RSPH3: variants seen among roughly 807,000 people sequenced by gnomAD.
The protein encoded by RSPH3 is radial spoke head protein 3 homolog.
In RSPH3, 21 loss-of-function variants were observed where a neutral mutation model predicts 43.8. That is an observed-to-expected ratio of 0.48 (90% CI 0.34 to 0.69). The LOEUF is 0.69. Ranked by LOEUF, RSPH3 falls within the 30% of genes least tolerant of loss-of-function variation. The pLI is 0.01. For missense variants in RSPH3, 487 were observed against 516.0 expected, an observed-to-expected ratio of 0.94 and a Z score of 0.54; for synonymous variants, 173 against 179.8, an observed-to-expected ratio of 0.96 and a Z score of 0.30.
chr6:158,983,905 G>A (rs1778122273), intron 3 of RSPH3, 98 bp from the exon 4 acceptor site: 2 of 810,622 alleles, frequency 2.5e-6, no homozygotes, highest in Non-Finnish European at 4.1e-6. Flanking sequence ...AGGCCGAGGA[G>A]GGTGCATTAC....
At chr6:158,979,391 C>T (rs1369759203) in intron 6 of RSPH3, among the ~76,000 whole-genome samples, 1 of 152,114 alleles carries the variant, frequency 6.6e-6, no homozygotes, top group Non-Finnish European at 1.5e-5. Flanking sequence ...GGCTACTGGT[C>T]TCTCTGGCTA....
intron 2 of RSPH3, among the ~76,000 whole-genome samples, chr6:158,991,143 A>G (rs1317473035): frequency 1.3e-5 from 2 of 152,076 alleles, no homozygotes; most frequent in Non-Finnish European, 2.9e-5. Context: ...CTTTTCATTG[A>G]AACATTTTTG....
Position 158,999,435 on chromosome 6 carries a change from G to A in RSPH3, c.116C>T (p.Pro39Leu), listed in dbSNP as rs1013107289. 9 of 1,502,076 alleles carry A rather than the reference G, an allele frequency of 6.0e-6. No homozygotes were observed. In the African/African-American group the frequency reaches 9.8e-5, roughly 16 times the overall value. The allele number at this position is 1,502,076 out of a possible 1,614,324, so 93.0% of individuals were successfully genotyped here. ...RSRYRDSLTQ[P>L]DEEPMHYGNI... Reference sequence around the variant, plus strand: ...CACAGGGGCTGGCTTGGTCACTCACGGCTGCGTCAGGCTGTCCCGGTAACG... The same window carrying A: ...CACAGGGGCTGGCTTGGTCACTCACAGCTGCGTCAGGCTGTCCCGGTAACG... The change falls in exon 1 of 8, where the codon CCA (proline) becomes CTA (leucine). Residue 39 changes from proline (P) to leucine (L), a missense_variant and splice_region_variant. Pro to Leu is a moderately conservative substitution (Grantham distance 98, BLOSUM62 -3). Transcript: ENST00000367069.
At chr6:158,999,296 G>C in intron 1 of RSPH3, 139 bp downstream of exon 1, 1 of 750,974 alleles carries the variant, frequency 1.3e-6, no homozygotes, top group Non-Finnish European at 2.0e-6. Context: ...AGATTCCTTA[G>C]GGCAGAACTT....
intron 3 of RSPH3, among the ~76,000 whole-genome samples, chr6:158,985,416 A>G (rs1466067259): frequency 6.6e-6 from 1 of 152,212 alleles, no homozygotes; most frequent in Non-Finnish European, 1.5e-5. Context: ...TGAGAACAGA[A>G]TATGTGAAAA....
chr6:158,969,266 G>A (rs1777666922), downstream of RSPH3, among the ~76,000 whole-genome samples: 1 of 152,108 alleles, frequency 6.6e-6, no homozygotes, highest in South Asian at 2.1e-4. Flanking sequence ...CATTTTAAAG[G>A]ATAGTTTTGC....
chr6:158,995,709 C>T (rs1778568218), intron 1 of RSPH3, among the ~76,000 whole-genome samples: 1 of 152,158 alleles, frequency 6.6e-6, no homozygotes, highest in Admixed American at 6.5e-5. Flanking sequence ...ATTCTCCTGC[C>T]TCAGCCTCCC....
intron 6 of RSPH3, among the ~76,000 whole-genome samples, chr6:158,979,060 T>C (rs892322731): frequency 6.6e-6 from 1 of 152,150 alleles, no homozygotes; most frequent in Non-Finnish European, 1.5e-5. Context: ...ACTCAGAGAA[T>C]GCAGTGAGAG....
chr6:158,981,495 CA>C (rs1169006727), intron 5 of RSPH3, among the ~76,000 whole-genome samples: 1 of 152,156 alleles, frequency 6.6e-6, no homozygotes, highest in Non-Finnish European at 1.5e-5. Context: ...AAACTTTAAA[CA>C]AATATAAATC....
intron 4 of RSPH3, 36 bp downstream of exon 4, chr6:158,983,626 A>C: frequency 1.9e-6 from 3 of 1,545,274 alleles, no homozygotes; most frequent in Non-Finnish European, 2.7e-6. Context: ...CTCATTTATA[A>C]AGATTATAGA....
chr6:158,985,003 C>T (rs997876940), intron 3 of RSPH3, among the ~76,000 whole-genome samples: 11 of 152,170 alleles, frequency 7.2e-5, no homozygotes, highest in African/African-American at 2.4e-4. Flanking sequence ...GAAATAATCC[C>T]GATGGATCCA....
chr6:158,999,856 G>C lies in RSPH3; in HGVS notation c.-306C>G, dbSNP rs1396012551. On this transcript the variant is annotated 5_prime_UTR_variant, in exon 1 of 8. Coordinates refer to ENST00000367069, the MANE Select transcript of RSPH3 (RefSeq NM_031924.8). ...TTCCGGTCCCCAGGTTTCCCGGGAA[G>C]GACTGCGGCACAAGGGACTTCCGGC... is the stretch of plus-strand genomic sequence containing the variant. The C allele has an allele frequency of 1.2e-6, 2 of 1,613,796 alleles. No individual in the cohort carries two copies. Among genetic ancestry groups the C allele is most frequent in the Admixed American group, 1.7e-5 (1 of 60,006 alleles).
intron 1 of RSPH3, among the ~76,000 whole-genome samples, chr6:158,998,352 C>A (rs1255087719): frequency 1.4e-5 from 2 of 147,808 alleles, no homozygotes; most frequent in Non-Finnish European, 3.0e-5. Flanking sequence ...GCCTGTAGTC[C>A]CAGCTACTTG....
rs140068249 is a variant in RSPH3, at chr6:158,999,670, G to A, written c.-120C>T. 2 of 1,614,028 alleles carry A rather than the reference G, an allele frequency of 1.2e-6. No homozygotes were observed. The highest frequency in any genetic ancestry group is 1.7e-6 in the Non-Finnish European group (2 of 1,180,018). ...CAAGGGCAAGGATTCCGCGACGCGA[G>A]GAGAGGCGACAACAAGGGAGGCGGG... On this transcript the variant is annotated 5_prime_UTR_variant, in exon 1 of 8. Coordinates refer to ENST00000367069, the MANE Select transcript of RSPH3 (RefSeq NM_031924.8).
chr6:158,975,094 C>T lies in RSPH3; in HGVS notation c.*2444G>A, dbSNP rs1045078840. ...GACCTTGTGATCCGCCTGCCTCGGCCTCCCAAAGTGCTGGGATTACAGGTG... is the reference window on the plus strand; with the variant it reads ...GACCTTGTGATCCGCCTGCCTCGGCTTCCCAAAGTGCTGGGATTACAGGTG... On this transcript the variant is annotated 3_prime_UTR_variant, in exon 8 of 8. Coordinates refer to ENST00000367069, the MANE Select transcript of RSPH3 (RefSeq NM_031924.8). 2 of 152,204 alleles carry T rather than the reference C, an allele frequency of 1.3e-5. No individual in the cohort carries two copies. Among genetic ancestry groups the T allele is most frequent in the Non-Finnish European group, 2.9e-5 (2 of 68,050 alleles). 9.4% of individuals were successfully genotyped at this position (152,204 alleles called of 1,614,324 possible).
chr6:158,966,116 G>C, the RSPH3 span, among the ~76,000 whole-genome samples: 4 of 151,924 alleles, frequency 2.6e-5, no homozygotes, highest in African/African-American at 4.8e-5. Flanking sequence ...TTTGTTATAT[G>C]GGTAAACTTG....
chr6:158,999,881 C>G lies in RSPH3; in HGVS notation c.-331G>C. On this transcript the variant is annotated 5_prime_UTR_variant, in exon 1 of 8. Transcript: ENST00000367069. ...GGACTGCGGCACAAGGGACTTCCGGCTCTTGACTCCGCCCAGCCGCGCCAC... is the reference window on the plus strand; with the variant it reads ...GGACTGCGGCACAAGGGACTTCCGGGTCTTGACTCCGCCCAGCCGCGCCAC... 6.2e-7 allele frequency: 1 copy of G among 1,613,566 alleles called. No homozygotes were observed. The highest frequency in any genetic ancestry group is 8.5e-7 in the Non-Finnish European group (1 of 1,179,914).
chr6:158,999,990 G>A lies in RSPH3; in HGVS notation c.-440C>T, dbSNP rs1266311329. 11 of 1,564,546 alleles carry A rather than the reference G, an allele frequency of 7.0e-6. No individual in the cohort carries two copies. Among genetic ancestry groups the A allele is most frequent in the Non-Finnish European group, 8.7e-6 (10 of 1,154,426 alleles). The stretch of plus-strand genomic sequence containing the variant: ...CTTGACCGTCATCCTTGAGGCCTGC[G>A]GGGCAACGGTGGCTGTCCTTGGCCC... On this transcript the variant is annotated 5_prime_UTR_variant, in exon 1 of 8. Coordinates refer to ENST00000367069, the MANE Select transcript of RSPH3 (RefSeq NM_031924.8).
Position 158,977,433 on chromosome 6 carries a change from A to G in RSPH3, c.*105T>C. Reference sequence around the variant, plus strand: ...GTCCATTACACAAAAAGACATACTGACTAAATACAACATAATTTCTATAAC... The same window carrying G: ...GTCCATTACACAAAAAGACATACTGGCTAAATACAACATAATTTCTATAAC... On this transcript the variant is annotated 3_prime_UTR_variant, in exon 8 of 8. Coordinates refer to ENST00000367069, the MANE Select transcript of RSPH3 (RefSeq NM_031924.8). 2 of 978,484 alleles carry G rather than the reference A, an allele frequency of 2.0e-6. No individual in the cohort carries two copies. The highest frequency in any genetic ancestry group is 3.0e-6 in the Non-Finnish European group (2 of 657,042). The allele number at this position is 978,484 out of a possible 1,614,324, so 60.6% of individuals were successfully genotyped here.
Sources: allele counts gnomAD v4.1 joint callset (sites outside exome capture counted in the v4.1 genomes callset), GRCh38; gene constraint gnomAD v4.1.1; transcripts MANE v1.5; gene names NCBI Gene and HGNC (gene_info 2026-07-23, HGNC 2026-07-21).